ESR1: variants seen among roughly 807,000 people sequenced by gnomAD.
The protein encoded by ESR1 is estrogen receptor 1.
ESR1 carries 12 observed loss-of-function variants against 52.7 expected under a neutral mutation model. That is an observed-to-expected ratio of 0.23 (90% CI 0.15 to 0.37). The LOEUF (loss-of-function observed/expected upper bound fraction) is 0.37. ESR1 is among the 10% of genes least tolerant of loss of function. The pLI is 1.00. For synonymous variants in ESR1, 305 were observed against 316.8 expected, an observed-to-expected ratio of 0.96 and a Z score of 0.39; for missense variants, 584 against 779.7, an observed-to-expected ratio of 0.75 and a Z score of 2.99.
At chr6:152,010,983 G>C (rs1317921596) in intron 4 of ESR1, among the ~76,000 whole-genome samples, 2 of 149,730 alleles carry the variant, frequency 1.3e-5, no homozygotes, top group African/African-American at 4.9e-5. Flanking sequence ...TTGTTATTAG[G>C]TAACCACAAT....
chr6:152,114,957 T>A (rs1171254116), intron 6 of ESR1, among the ~76,000 whole-genome samples: 2 of 151,824 alleles, frequency 1.3e-5, no homozygotes, highest in Admixed American at 6.6e-5. Flanking sequence ...GAAGTACTTT[T>A]CTTTTGTCTT....
At chr6:151,984,145 T>C (rs2040238409) in intron 4 of ESR1, 1 of 152,132 alleles carries the variant, frequency 6.6e-6, no homozygotes, top group African/African-American at 2.4e-5. Flanking sequence ...AAATATTCAG[T>C]AAAGGGAATT....
intron 4 of ESR1, among the ~76,000 whole-genome samples, chr6:151,975,715 T>G (rs1457072233): frequency 6.6e-6 from 1 of 152,212 alleles, no homozygotes; most frequent in African/African-American, 2.4e-5. Context: ...TTGTAAACAT[T>G]AATTATATTT....
intron 2 of ESR1, among the ~76,000 whole-genome samples, chr6:151,710,118 AT>A (rs972158079): frequency 2.6e-5 from 4 of 151,818 alleles, no homozygotes; most frequent in Admixed American, 1.3e-4. Context: ...CAATTTAAAG[AT>A]TTTTTTTCTC....
At chr6:151,749,623 A>C (rs1783751294) in intron 2 of ESR1, among the ~76,000 whole-genome samples, 1 of 152,208 alleles carries the variant, frequency 6.6e-6, no homozygotes, top group South Asian at 2.1e-4. Context: ...TTCTGAAAAT[A>C]CACTGGCAAG....
chr6:151,721,063 T>A (rs1781420698), intron 2 of ESR1, among the ~76,000 whole-genome samples: 1 of 152,220 alleles, frequency 6.6e-6, no homozygotes. Context: ...TTGAAATAAG[T>A]CTTACATTTG....
intron 6 of ESR1, chr6:152,122,712 T>G: frequency 4.3e-6 from 7 of 1,612,822 alleles, no homozygotes; most frequent in Non-Finnish European, 5.9e-6. Flanking sequence ...CTCAGATAAC[T>G]CCAGTGTCGG....
At chr6:151,671,828 C>T (rs921815898) in intron 1 of ESR1, among the ~76,000 whole-genome samples, 33 of 151,806 alleles carry the variant, frequency 2.2e-4, no homozygotes, top group African/African-American at 7.7e-4. Context: ...CTCGTCTCTA[C>T]TAAAAATACA....
At chr6:151,725,941 G>A (rs1781803813) in intron 2 of ESR1, among the ~76,000 whole-genome samples, 1 of 152,220 alleles carries the variant, frequency 6.6e-6, no homozygotes, top group African/African-American at 2.4e-5. Context: ...GAGTTGCACA[G>A]GAAGAACTCA....
chr6:151,870,118 A>G (rs1790688848), intron 2 of ESR1, among the ~76,000 whole-genome samples: 2 of 152,346 alleles, frequency 1.3e-5, no homozygotes, highest in African/African-American at 4.8e-5. Context: ...TTTATTTCCA[A>G]ACATAATACT....
chr6:151,700,303 GC>G (rs1294370808), intron 1 of ESR1, among the ~76,000 whole-genome samples: 1 of 151,794 alleles, frequency 6.6e-6, no homozygotes, highest in African/African-American at 2.4e-5. Flanking sequence ...TATTTAATTA[GC>G]CTTTTTTTCC....
chr6:151,684,430 C>T (rs1778577280), intron 1 of ESR1, among the ~76,000 whole-genome samples: 1 of 152,118 alleles, frequency 6.6e-6, no homozygotes, highest in Admixed American at 6.5e-5. Flanking sequence ...TAATCGGGAA[C>T]ATAATCTGGT....
chr6:151,969,468 T>C (rs906385677), intron 4 of ESR1, among the ~76,000 whole-genome samples: 1 of 152,236 alleles, frequency 6.6e-6, no homozygotes, highest in Non-Finnish European at 1.5e-5. Flanking sequence ...GGAATGTGTG[T>C]GTGTGTGTGC....
intron 4 of ESR1, among the ~76,000 whole-genome samples, chr6:151,988,669 A>G (rs1373208468): frequency 6.6e-6 from 1 of 151,740 alleles, no homozygotes. Flanking sequence ...TATACAACAA[A>G]CCCCCATGAC....
At chr6:152,005,004 A>G (rs554957467) in intron 4 of ESR1, among the ~76,000 whole-genome samples, 1 of 151,884 alleles carries the variant, frequency 6.6e-6, no homozygotes, top group African/African-American at 2.4e-5. Context: ...TTTTTACTGC[A>G]TAGCGTTTGC....
intron 1 of ESR1, among the ~76,000 whole-genome samples, chr6:151,827,353 AAAAAAAGAAAAAG>A (rs1781678104): frequency 3.3e-5 from 5 of 151,326 alleles, no homozygotes; most frequent in African/African-American, 9.7e-5. Flanking sequence ...TCAAAAAAAA[AAAAAAAGAAAAAG>A]AAAAAAGAAA....
chr6:152,032,888 C>T (rs1271908527), intron 5 of ESR1, among the ~76,000 whole-genome samples: 1 of 152,200 alleles, frequency 6.6e-6, no homozygotes, highest in Non-Finnish European at 1.5e-5. Flanking sequence ...TGACTTCAAA[C>T]TATACTACAA....
upstream of ESR1, among the ~76,000 whole-genome samples, chr6:151,686,481 C>T (rs774690771): frequency 2.6e-5 from 4 of 152,082 alleles, no homozygotes; most frequent in Non-Finnish European, 5.9e-5. Flanking sequence ...GTCAGCAGAT[C>T]GAGACCATCC....
chr6:151,844,757 C>T (rs1215853624), intron 2 of ESR1, among the ~76,000 whole-genome samples: 1 of 151,964 alleles, frequency 6.6e-6, no homozygotes, highest in East Asian at 1.9e-4. Flanking sequence ...TGATTATTCA[C>T]ATTTTACTGA....
Sources: gnomAD v4.1 joint callset for allele counts (sites outside exome capture counted in the v4.1 genomes callset) on GRCh38, gnomAD v4.1.1 for gene constraint, MANE v1.5 for transcripts, NCBI Gene and HGNC (gene_info 2026-07-23, HGNC 2026-07-21) for gene names.